UBE2E1: variants seen among roughly 807,000 people sequenced by gnomAD.
UBE2E1 encodes ubiquitin-conjugating enzyme E2 E1.
Under a neutral mutation model 21.4 loss-of-function variants are expected in UBE2E1, and 6 were observed. That is an observed-to-expected ratio of 0.28 (90% CI 0.15 to 0.55). UBE2E1 has a LOEUF of 0.55. Among genes scored for constraint, UBE2E1 ranks in the 20% least tolerant of loss-of-function variants. UBE2E1 has a pLI of 0.93. For missense variants in UBE2E1, 142 were observed against 236.5 expected (o/e 0.60, Z 2.62); for synonymous variants, 87 against 82.7 (o/e 1.05, Z -0.28).
At chr3:23,884,222 T>C (rs1214609966) in intron 3 of UBE2E1, among the ~76,000 whole-genome samples, 1 of 79,452 alleles carries the variant, frequency 1.3e-5, no homozygotes, top group Non-Finnish European at 2.4e-5. Flanking sequence ...AACACCTAAA[T>C]TGCAAACAGA....
At chr3:23,850,289 C>G (rs1249232049) in intron 3 of UBE2E1, among the ~76,000 whole-genome samples, 1 of 152,120 alleles carries the variant, frequency 6.6e-6, no homozygotes, top group African/African-American at 2.4e-5. Flanking sequence ...GTGTGAGCCA[C>G]TGTGCCTGGC....
In UBE2E1 at chr3:23,811,312, A is replaced by G. The variant is rs1269391131; in HGVS notation, c.153-148A>G. On this transcript the variant is annotated intron_variant, in intron 2 of 5. Transcript: ENST00000306627. Reference sequence around the variant, plus strand: ...GAAAAGTTTTTTTCCTAAACTAGGGACCTGAAGTTCTTGATGTGTAGTTCC... The same window carrying G: ...GAAAAGTTTTTTTCCTAAACTAGGGGCCTGAAGTTCTTGATGTGTAGTTCC... The G allele has an allele frequency of 7.0e-6, 5 of 711,822 alleles. No homozygotes were observed. The African/African-American group carries it at 7.2e-5, about 10-fold the overall frequency. The allele number at this position is 711,822 out of a possible 1,614,324, so 44.1% of individuals were successfully genotyped here. A position where few individuals can be genotyped will look rare whatever the true frequency, so the allele number is the denominator to read the frequency against.
rs369690021 is a variant in UBE2E1 at position 23,817,421 on chromosome 3, C to CAAAA, written c.203+5925_203+5928dup. The stretch of plus-strand genomic sequence containing the variant: ...TGGTTGACAGAGTGAGACTCTGTCT[C>CAAAA]AAAAAAAAAAAAAAAAAGAAAGAAA... On this transcript the variant is annotated intron_variant, in intron 3 of 5. Transcript: ENST00000306627. 2.1e-4 allele frequency among the ~76,000 whole-genome samples: 9 copies of CAAAA among 42,162 alleles called. 1 individual carries two copies. The highest frequency in any genetic ancestry group is 8.9e-4 in the East Asian group (2 of 2,250). 27.7% of individuals were successfully genotyped at this position (42,162 alleles called of 152,430 possible).
At chr3:23,874,030 T>TGAA (rs1275762548) in intron 3 of UBE2E1, among the ~76,000 whole-genome samples, 1 of 152,234 alleles carries the variant, frequency 6.6e-6, no homozygotes, top group African/African-American at 2.4e-5. Flanking sequence ...TTTCTTGAAC[T>TGAA]CTGTACTTGT....
At chr3:23,840,809 A>G (rs1380576152) in intron 3 of UBE2E1, among the ~76,000 whole-genome samples, 1 of 152,100 alleles carries the variant, frequency 6.6e-6, no homozygotes, top group East Asian at 1.9e-4. Flanking sequence ...GGTACTTGTG[A>G]ACTCTGACCA....
At chr3:23,811,803 A>C (rs763440541) in intron 3 of UBE2E1, among the ~76,000 whole-genome samples, 1 of 152,232 alleles carries the variant, frequency 6.6e-6, no homozygotes, top group African/African-American at 2.4e-5. Flanking sequence ...GGTCTTTGAT[A>C]TGCCATTAAA....
intron 2 of UBE2E1, among the ~76,000 whole-genome samples, chr3:23,811,240 C>T (rs1699384260): frequency 6.6e-6 from 1 of 152,224 alleles, no homozygotes; most frequent in Non-Finnish European, 1.5e-5. Flanking sequence ...GGAAGCCAAA[C>T]TTTGCAGATG....
chr3:23,867,605 C>T (rs530811638), intron 3 of UBE2E1, among the ~76,000 whole-genome samples: 3 of 152,156 alleles, frequency 2.0e-5, no homozygotes, highest in Non-Finnish European at 4.4e-5. Context: ...TGTGTGGGCT[C>T]TCCGGTCCCC....
At chr3:23,834,082 A>G (rs1285545582) in intron 3 of UBE2E1, among the ~76,000 whole-genome samples, 1 of 152,212 alleles carries the variant, frequency 6.6e-6, no homozygotes, top group Non-Finnish European at 1.5e-5. Context: ...AATAAAATAA[A>G]ACTTCAAGAG....
chr3:23,817,315 G>A (rs1167319862), intron 3 of UBE2E1, among the ~76,000 whole-genome samples: 5 of 151,704 alleles, frequency 3.3e-5, no homozygotes, highest in Admixed American at 1.3e-4. Flanking sequence ...CCAGCTACTT[G>A]GGAGGCTGAG....
chr3:23,883,062 G>A (rs149590761), intron 3 of UBE2E1, among the ~76,000 whole-genome samples: 182 of 152,264 alleles, frequency 1.2e-3, no homozygotes, highest in Middle Eastern at 3.4e-3. Context: ...AAGAGCGAGC[G>A]AGGGCTGCCA....
chr3:23,819,585 C>A (rs1699602583), intron 3 of UBE2E1, among the ~76,000 whole-genome samples: 1 of 152,120 alleles, frequency 6.6e-6, no homozygotes, highest in African/African-American at 2.4e-5. Flanking sequence ...GTCTTTATAT[C>A]CCTACAGTGT....
rs144279254 is a variant in UBE2E1 at position 23,889,313 on chromosome 3, T to C, written c.484+54T>C. 2.9e-4 allele frequency: 471 copies of C among 1,610,894 alleles called. 1 individual carries two copies. The African/African-American group carries it at 5.3e-3, about 18-fold the overall frequency. ...TATTCTTCCTTACCTGAAAAATACT[T>C]GTTTCCAAAAGCTTTCAAAGGACAA... On this transcript the variant is annotated intron_variant, in intron 5 of 5. Transcript: ENST00000306627.
chr3:23,851,576 G>T (rs1326888177), intron 3 of UBE2E1, among the ~76,000 whole-genome samples: 1 of 152,078 alleles, frequency 6.6e-6, no homozygotes, highest in Non-Finnish European at 1.5e-5. Flanking sequence ...GACCAAGGTG[G>T]AAAGATCACT....
chr3:23,818,562 T>TA (rs1419758878), intron 3 of UBE2E1, among the ~76,000 whole-genome samples: 3 of 152,200 alleles, frequency 2.0e-5, no homozygotes, highest in Non-Finnish European at 4.4e-5. Context: ...TCAGCAAAAT[T>TA]ACACCATGTT....
intron 3 of UBE2E1, among the ~76,000 whole-genome samples, chr3:23,855,999 G>A (rs1238159447): frequency 6.6e-6 from 1 of 152,078 alleles, no homozygotes. Context: ...TTTGCATGCT[G>A]TTCAGATTTT....
intron 3 of UBE2E1, among the ~76,000 whole-genome samples, chr3:23,814,798 A>G (rs1447954916): frequency 6.6e-6 from 1 of 152,230 alleles, no homozygotes; most frequent in Non-Finnish European, 1.5e-5. Context: ...GTATGTCTAT[A>G]CAGACTAAAT....
At chr3:23,849,216 T>C (rs1017974648) in intron 3 of UBE2E1, among the ~76,000 whole-genome samples, 1 of 152,224 alleles carries the variant, frequency 6.6e-6, no homozygotes, top group African/African-American at 2.4e-5. Context: ...TGCATTGTTT[T>C]ACATTCCCAT....
At chr3:23,884,593 TA>T (rs1171745141) in intron 3 of UBE2E1, among the ~76,000 whole-genome samples, 1 of 152,134 alleles carries the variant, frequency 6.6e-6, no homozygotes, top group Non-Finnish European at 1.5e-5. Context: ...GGTAAACCTT[TA>T]TTTTTTTTGT....
Sources: allele counts gnomAD v4.1 joint callset (sites outside exome capture counted in the v4.1 genomes callset), GRCh38; gene constraint gnomAD v4.1.1; transcripts MANE v1.5; gene names NCBI Gene and HGNC (gene_info 2026-07-23, HGNC 2026-07-21).